Variants in NUSAP1 observed in about 807,000 individuals in gnomAD.
The protein encoded by NUSAP1 is nucleolar and spindle associated protein 1.
Under a neutral mutation model 52.8 loss-of-function variants are expected in NUSAP1, and 32 were observed. The observed-to-expected ratio is 0.61, with a 90% CI of 0.46 to 0.81. The LOEUF is 0.81. Ranked by LOEUF, NUSAP1 falls within the 40% of genes least tolerant of loss-of-function variation. The pLI is 0.00. For missense variants in NUSAP1, 499 were observed against 522.3 expected (o/e 0.96, Z 0.43); for synonymous variants, 195 against 183.1 (o/e 1.06, Z -0.52).
rs567027726 is a variant in NUSAP1, at chr15:41,366,252, C to T, written c.848+663C>T. Among the ~76,000 whole-genome samples, 20 of 152,060 alleles carry T rather than the reference C, an allele frequency of 1.3e-4. No homozygotes were observed. In the East Asian group the frequency reaches 3.5e-3, roughly 26 times the overall value. ...CCAACCAAAGTGCTGGGATTACAAA[C>T]GTGCCATTGCACCCAACCTTTCTTT... On this transcript the variant is annotated intron_variant, in intron 7 of 10. Transcript: ENST00000559596.
chr15:41,363,800 A>G (rs1298066752), intron 6 of NUSAP1, among the ~76,000 whole-genome samples: 1 of 152,186 alleles, frequency 6.6e-6, no homozygotes, highest in Non-Finnish European at 1.5e-5. Flanking sequence ...TGTTAGACTA[A>G]TGATAATAAG....
At chr15:41,362,887 TG>T (rs1260977406) in intron 6 of NUSAP1, among the ~76,000 whole-genome samples, 1 of 152,096 alleles carries the variant, frequency 6.6e-6, no homozygotes, top group Admixed American at 6.6e-5. Context: ...GCAGGAAAAA[TG>T]CTTGAAGCCC....
At chr15:41,354,388 C>T (rs1484891062) in intron 4 of NUSAP1, among the ~76,000 whole-genome samples, 1 of 151,990 alleles carries the variant, frequency 6.6e-6, no homozygotes, top group Non-Finnish European at 1.5e-5. Flanking sequence ...ACTTGTAATC[C>T]CAGCTACTTA....
chr15:41,334,050 T>A (rs577919307), intron 1 of NUSAP1, among the ~76,000 whole-genome samples: 1 of 152,374 alleles, frequency 6.6e-6, no homozygotes, highest in Non-Finnish European at 1.5e-5. Flanking sequence ...AGGTTTCTCC[T>A]GCAGGCTGTG....
At chr15:41,373,743 C>T (rs1487660387) in intron 8 of NUSAP1, among the ~76,000 whole-genome samples, 2 of 151,952 alleles carry the variant, frequency 1.3e-5, no homozygotes, top group Non-Finnish European at 2.9e-5. Context: ...CCACCGCGCC[C>T]AGCCAAAAAT....
At chr15:41,370,570 G>T (rs191186496) in intron 7 of NUSAP1, among the ~76,000 whole-genome samples, 1 of 152,012 alleles carries the variant, frequency 6.6e-6, no homozygotes, top group East Asian at 1.9e-4. Flanking sequence ...GACCAACATG[G>T]TGAAACCCCA....
chr15:41,380,234 C>A lies in NUSAP1; in HGVS notation c.*48C>A. Reference sequence around the variant, plus strand: ...TATTCCTGTATTCTCAACTTTTTTCCTTTTGTAAATTTTTTTTTTTTGCTG... The same window carrying A: ...TATTCCTGTATTCTCAACTTTTTTCATTTTGTAAATTTTTTTTTTTTGCTG... On this transcript the variant is annotated 3_prime_UTR_variant, in exon 11 of 11. Coordinates refer to ENST00000559596, the MANE Select transcript of NUSAP1 (RefSeq NM_016359.5). 7.2e-7 allele frequency: 1 copy of A among 1,393,146 alleles called. No homozygotes were observed. Among genetic ancestry groups the A allele is most frequent in the Admixed American group, 2.7e-5 (1 of 37,068 alleles). 86.3% of individuals were successfully genotyped at this position (1,393,146 alleles called of 1,614,324 possible).
intron 5 of NUSAP1, among the ~76,000 whole-genome samples, chr15:41,356,981 G>A (rs964777377): frequency 3.3e-5 from 5 of 152,146 alleles, no homozygotes; most frequent in Admixed American, 2.0e-4. Flanking sequence ...AATCAGAATA[G>A]GATACAGTTG....
intron 7 of NUSAP1, 135 bp downstream of exon 7, chr15:41,365,724 CT>C (rs757052862): frequency 0.12 from 47,731 of 411,006 alleles, no homozygotes; most frequent in South Asian, 0.18. Flanking sequence ...TTTTCTTTTT[CT>C]TTTTTTTTTT....
chr15:41,366,274 C>G (rs1168794673), intron 7 of NUSAP1, among the ~76,000 whole-genome samples: 1 of 148,470 alleles, frequency 6.7e-6, no homozygotes, highest in African/African-American at 2.5e-5. Flanking sequence ...CCCAACCTTT[C>G]TTTTTTTTTC....
chr15:41,366,298 T>C (rs559327000), intron 7 of NUSAP1, among the ~76,000 whole-genome samples: 54 of 151,030 alleles, frequency 3.6e-4, no homozygotes, highest in Non-Finnish European at 5.9e-4. Flanking sequence ...TTTCTTTTTT[T>C]TTTTTTTCTT....
chr15:41,356,355 T>TC (rs2048970807), intron 5 of NUSAP1, among the ~76,000 whole-genome samples: 2 of 9,146 alleles, frequency 2.2e-4, no homozygotes, highest in East Asian at 0.021. Flanking sequence ...TATTTCTTTC[T>TC]TTTTTTTTTT....
Position 41,356,840 on chromosome 15 carries a change from T to G in NUSAP1, c.550+700T>G, listed in dbSNP as rs140431415. On this transcript the variant is annotated intron_variant, in intron 5 of 10. Coordinates refer to ENST00000559596, the MANE Select transcript of NUSAP1 (RefSeq NM_016359.5). Reference sequence around the variant, plus strand: ...TCATAAGTCTAAATGATTCCGTTTTTGGGCATGTAAGTCTTCTCTATCTTA... The same window carrying G: ...TCATAAGTCTAAATGATTCCGTTTTGGGGCATGTAAGTCTTCTCTATCTTA... 9.3e-3 allele frequency among the ~76,000 whole-genome samples: 1,410 copies of G among 152,308 alleles called. 10 individuals are homozygous for G. Among genetic ancestry groups the G allele is most frequent in the Non-Finnish European group, 0.014 (941 of 68,026 alleles).
intron 10 of NUSAP1, among the ~76,000 whole-genome samples, chr15:41,378,881 T>A (rs1339498978): frequency 6.9e-6 from 1 of 145,060 alleles, no homozygotes; most frequent in Non-Finnish European, 1.5e-5. Context: ...TGCTCTACTT[T>A]CAGAGGATTA....
At chr15:41,359,427 A>C (rs2049086345) in intron 6 of NUSAP1, among the ~76,000 whole-genome samples, 1 of 152,200 alleles carries the variant, frequency 6.6e-6, no homozygotes, top group Non-Finnish European at 1.5e-5. Context: ...GAAAATTAGC[A>C]CTGTTAGTAG....
At chr15:41,336,511 C>G (rs191202534) in intron 1 of NUSAP1, among the ~76,000 whole-genome samples, 1 of 152,060 alleles carries the variant, frequency 6.6e-6, no homozygotes, top group African/African-American at 2.4e-5. Flanking sequence ...CCTGATTAAA[C>G]CCAGCTATGT....
intron 3 of NUSAP1, among the ~76,000 whole-genome samples, chr15:41,350,726 T>C (rs2048746914): frequency 6.6e-6 from 1 of 152,190 alleles, no homozygotes; most frequent in South Asian, 2.1e-4. Flanking sequence ...CAGTAGACTG[T>C]CTAGGTTTCT....
chr15:41,367,866 A>G (rs1050940854), intron 7 of NUSAP1, among the ~76,000 whole-genome samples: 12 of 152,084 alleles, frequency 7.9e-5, no homozygotes, highest in African/African-American at 2.9e-4. Context: ...CTGGGCTTCC[A>G]TTCACCACAG....
intron 8 of NUSAP1, among the ~76,000 whole-genome samples, chr15:41,372,515 G>T (rs2049742976): frequency 6.6e-6 from 1 of 152,142 alleles, no homozygotes; most frequent in Non-Finnish European, 1.5e-5. Flanking sequence ...TCCTGTACAT[G>T]TGCAAGAGTT....
Sources: gnomAD v4.1 joint callset for allele counts (sites outside exome capture counted in the v4.1 genomes callset) on GRCh38, gnomAD v4.1.1 for gene constraint, MANE v1.5 for transcripts, NCBI Gene and HGNC (gene_info 2026-07-23, HGNC 2026-07-21) for gene names.